PIK3CG: variants seen among roughly 807,000 people sequenced by gnomAD.
The protein encoded by PIK3CG is phosphatidylinositol 4,5-bisphosphate 3-kinase catalytic subunit gamma isoform.
In PIK3CG, 55 loss-of-function variants were observed where a neutral mutation model predicts 102.3. That is an observed-to-expected ratio of 0.54 (90% CI 0.43 to 0.67). PIK3CG has a LOEUF of 0.67. PIK3CG is among the 30% of genes least tolerant of loss of function. PIK3CG has a pLI of 0.00. For synonymous variants in PIK3CG, 552 were observed against 540.0 expected (o/e 1.02, Z -0.31); for missense variants, 1,258 against 1,391.8 (o/e 0.90, Z 1.53).
Position 106,883,288 on chromosome 7 carries a change from T to C in PIK3CG, c.2760+125T>C. The C allele has an allele frequency of 1.0e-6, 1 of 995,156 alleles. No individual in the cohort carries two copies. The highest frequency in any genetic ancestry group is 1.5e-6 in the Non-Finnish European group (1 of 663,670). The allele number at this position is 995,156 out of a possible 1,614,324, so 61.6% of individuals were successfully genotyped here. ...CTCCTGACATATTAGTGAAGTTTTT[T>C]ACTTGTGAAATAATGGAGGTTTTAA... is the stretch of plus-strand genomic sequence containing the variant. On this transcript the variant is annotated intron_variant, in intron 8 of 10. Coordinates refer to ENST00000496166, the MANE Select transcript of PIK3CG (RefSeq NM_001282426.2). The surrounding 1 kb of genome is among the most constrained non-coding windows in gnomAD (Gnocchi z 5.8).
rs539764113 is a variant in PIK3CG at position 106,868,695 on chromosome 7, C to T, written c.1134C>T (p.Asp378=). The T allele has an allele frequency of 1.1e-5, 18 of 1,614,234 alleles. No homozygotes were observed. The highest frequency in any genetic ancestry group is 9.9e-5 in the South Asian group (9 of 91,088). ...TCCCCGTCCTGCCTCGGAACACCGACCTCACAGTTTTTGTAGAGGCAAACA... is the reference window on the plus strand; with the variant it reads ...TCCCCGTCCTGCCTCGGAACACCGATCTCACAGTTTTTGTAGAGGCAAACA... The part of the protein sequence containing the change: ...IDIPVLPRNT[D]LTVFVEANIQ... Residue 378 remains aspartate, a synonymous_variant, in exon 2 of 11, where the codon GAC becomes GAT. Transcript: ENST00000496166. This position sits in a 1 kb window ranked among gnomAD's most constrained non-coding sequence, Gnocchi z 6.2.
At position 106,872,495 on chromosome 7, in the gene PIK3CG, ATAGAG is replaced by A. The variant is rs1010429670; in HGVS notation, c.1996-39_1996-35del. On this transcript the variant is annotated intron_variant, in intron 2 of 10. Transcript: ENST00000496166. This position sits in a 1 kb window ranked among gnomAD's most constrained non-coding sequence, Gnocchi z 5.3. The stretch of plus-strand genomic sequence containing the variant: ...ATTTCCTTTTCCCTGATTCAACGAC[ATAGAG>A]TACAGTCCTACAAATGCCAATGTGT... 2.0e-6 allele frequency: 3 copies of A among 1,490,186 alleles called. No individual in the cohort carries two copies. The highest frequency in any genetic ancestry group is 2.8e-6 in the Non-Finnish European group (3 of 1,067,884). The allele number at this position is 1,490,186 out of a possible 1,614,324, so 92.3% of individuals were successfully genotyped here.
At chr7:106,887,019 A>G (rs1350263006) in intron 10 of PIK3CG, among the ~76,000 whole-genome samples, 5 of 152,236 alleles carry the variant, frequency 3.3e-5, no homozygotes, top group African/African-American at 1.2e-4. Flanking sequence ...AAAGCCTCAC[A>G]GTGTTTTAAG....
chr7:106,869,581 G>GGAA lies in PIK3CG; in HGVS notation c.1995+27_1995+29dup, dbSNP rs754722882. 1.9e-6 allele frequency: 3 copies of GGAA among 1,539,366 alleles called. No homozygotes were observed. ...GGTAGGGGATGTTGGTGTTATCAAT[G>GGAA]GAAGCCTTCTCAAAAGGAATTGATT... On this transcript the variant is annotated intron_variant, in intron 2 of 10. Transcript: ENST00000496166. This position sits in a 1 kb window ranked among gnomAD's most constrained non-coding sequence, Gnocchi z 5.3.
rs1791483878 is a variant in PIK3CG, at chr7:106,899,210, T to C, written c.3031-5899T>C. On this transcript the variant is annotated intron_variant, in intron 10 of 10. Coordinates refer to ENST00000496166, the MANE Select transcript of PIK3CG (RefSeq NM_001282426.2). The surrounding 1 kb of genome is among the most constrained non-coding windows in gnomAD (Gnocchi z 4.6). ...GGAATGCGTGATTTTTTACACTGAT[T>C]TTGGATCCTACAACTTTGCTGAAGT... is the stretch of plus-strand genomic sequence containing the variant. 6.6e-6 allele frequency among the ~76,000 whole-genome samples: 1 copy of C among 152,176 alleles called. No homozygotes were observed. Among genetic ancestry groups the C allele is most frequent in the Non-Finnish European group, 1.5e-5 (1 of 68,028 alleles).
In PIK3CG at chr7:106,902,695, T is replaced by C. The variant is rs898611510; in HGVS notation, c.3031-2414T>C. ...TTGTTATGTTTTTGGCCTGTATTTCTGGCCAATTATCTCTTTCTTATTGAT... is the reference window on the plus strand; with the variant it reads ...TTGTTATGTTTTTGGCCTGTATTTCCGGCCAATTATCTCTTTCTTATTGAT... On this transcript the variant is annotated intron_variant, in intron 10 of 10. Transcript: ENST00000496166. The surrounding 1 kb of genome is among the most constrained non-coding windows in gnomAD (Gnocchi z 4.3). Among the ~76,000 whole-genome samples, 1 of 152,318 alleles carries C rather than the reference T, an allele frequency of 6.6e-6. No individual in the cohort carries two copies. The highest frequency in any genetic ancestry group is 1.5e-5 in the Non-Finnish European group (1 of 68,026).
In PIK3CG at chr7:106,868,194, G is replaced by T. The variant is rs2116433169; in HGVS notation, c.633G>T (p.Leu211=). ...WVTSKPLPEY[L]WKKIANNCIF... is the part of the protein sequence containing the mutation. ...CGTCCAAGCCCCTCCCGGAGTACCT[G>T]TGGAAGAAGATTGCCAACAACTGCA... Residue 211 remains leucine, a synonymous_variant, in exon 2 of 11, where the codon CTG becomes CTT. Transcript: ENST00000496166. The surrounding 1 kb of genome is among the most constrained non-coding windows in gnomAD (Gnocchi z 6.2). 6.2e-7 allele frequency: 1 copy of T among 1,612,284 alleles called. No homozygotes were observed. Among genetic ancestry groups the T allele is most frequent in the African/African-American group, 1.3e-5 (1 of 75,038 alleles).
chr7:106,885,782 G>A (rs1479916514), intron 9 of PIK3CG, among the ~76,000 whole-genome samples: 1 of 152,130 alleles, frequency 6.6e-6, no homozygotes, highest in Non-Finnish European at 1.5e-5. Context: ...TGAAACATCA[G>A]TCTATCCTGA....
rs370485774 is a variant in PIK3CG at position 106,867,733 on chromosome 7, C to G, written c.172C>G (p.Leu58Val). ...CAAATGCAAGAGCCCCGAAACGGCG[C>G]TGCTGCACGTGGCCGGCCACGGCAA... ...QRKCKSPETA[L>V]LHVAGHGNVE... The change falls in exon 2 of 11, where the codon CTG becomes GTG. Residue 58 changes from leucine to valine, a missense_variant. Transcript: ENST00000496166. This position sits in a 1 kb window ranked among gnomAD's most constrained non-coding sequence, Gnocchi z 5.1. 2 of 1,613,072 alleles carry G rather than the reference C, an allele frequency of 1.2e-6. No homozygotes were observed. Among genetic ancestry groups the G allele is most frequent in the African/African-American group, 2.7e-5 (2 of 75,068 alleles).
rs978527065 is a variant in PIK3CG at position 106,890,402 on chromosome 7, C to T, written c.3030+4110C>T. 6.6e-6 allele frequency among the ~76,000 whole-genome samples: 1 copy of T among 152,264 alleles called. No homozygotes were observed. The highest frequency in any genetic ancestry group is 2.1e-4 in the South Asian group (1 of 4,826). On this transcript the variant is annotated intron_variant, in intron 10 of 10. Coordinates refer to ENST00000496166, the MANE Select transcript of PIK3CG (RefSeq NM_001282426.2). This position sits in a 1 kb window ranked among gnomAD's most constrained non-coding sequence, Gnocchi z 4.2. ...TTCACCGTGTTAACCAGGATGGTCT[C>T]AATCTCCTGACCTCGTGATCCGGCT...
rs766880450 is a variant in PIK3CG at position 106,867,729 on chromosome 7, G to C, written c.168G>C (p.Thr56=). ...AGCGCAAATGCAAGAGCCCCGAAAC[G>C]GCGCTGCTGCACGTGGCCGGCCACG... ...TSQRKCKSPE[T]ALLHVAGHGN... is the part of the protein sequence containing the mutation. Residue 56 remains threonine, a synonymous_variant, in exon 2 of 11, where the codon ACG becomes ACC. Coordinates refer to ENST00000496166, the MANE Select transcript of PIK3CG (RefSeq NM_001282426.2). The surrounding 1 kb of genome is among the most constrained non-coding windows in gnomAD (Gnocchi z 5.1). 1.9e-6 allele frequency: 3 copies of C among 1,613,094 alleles called. No individual in the cohort carries two copies. Among genetic ancestry groups the C allele is most frequent in the Non-Finnish European group, 2.5e-6 (3 of 1,179,864 alleles).
At chr7:106,870,345 A>G (rs1166792305) in intron 2 of PIK3CG, among the ~76,000 whole-genome samples, 1 of 152,174 alleles carries the variant, frequency 6.6e-6, no homozygotes, top group Admixed American at 6.5e-5. Flanking sequence ...AGTTAAAGAA[A>G]GAAGGGGGAA....
chr7:106,896,368 A>G (rs1791408572), intron 10 of PIK3CG, among the ~76,000 whole-genome samples: 2 of 152,210 alleles, frequency 1.3e-5, no homozygotes, highest in African/African-American at 4.8e-5. Context: ...CCCCCAGTGT[A>G]TGGAAGGACA....
In PIK3CG at chr7:106,868,650, C is replaced by A. The variant is rs761405644; in HGVS notation, c.1089C>A (p.Val363=). The change falls in exon 2 of 11, where the codon GTC becomes GTA. Residue 363 remains valine (V), a synonymous_variant. Transcript: ENST00000496166. This position sits in a 1 kb window ranked among gnomAD's most constrained non-coding sequence, Gnocchi z 6.2. ...SLWDCDRKFR[V]KIRGIDIPVL... ...GGGACTGCGACCGCAAGTTCAGGGT[C>A]AAGATCAGAGGCATTGATATCCCCG... 1 of 1,614,212 alleles carries A rather than the reference C, an allele frequency of 6.2e-7. No individual in the cohort carries two copies. Among genetic ancestry groups the A allele is most frequent in the Non-Finnish European group, 8.5e-7 (1 of 1,180,042 alleles).
rs188405793 is a variant in PIK3CG, at chr7:106,866,334, G to T, written c.-13+908G>T. 2.5e-3 allele frequency among the ~76,000 whole-genome samples: 378 copies of T among 152,294 alleles called. 3 individuals are homozygous for T. Among genetic ancestry groups the T allele is most frequent in the African/African-American group, 8.4e-3 (350 of 41,566 alleles). ...AAAGCAAAATACCTAATCTTTCAGT[G>T]TTAATACCTTTCAAATTTCAATTAT... is the stretch of plus-strand genomic sequence containing the variant. On this transcript the variant is annotated intron_variant, in intron 1 of 10. Coordinates refer to ENST00000496166, the MANE Select transcript of PIK3CG (RefSeq NM_001282426.2).
chr7:106,902,598 C>CT lies in PIK3CG; in HGVS notation c.3031-2504dup, dbSNP rs1282637639. On this transcript the variant is annotated intron_variant, in intron 10 of 10. Coordinates refer to ENST00000496166, the MANE Select transcript of PIK3CG (RefSeq NM_001282426.2). The surrounding 1 kb of genome is among the most constrained non-coding windows in gnomAD (Gnocchi z 4.3). Reference sequence around the variant, plus strand: ...AAATTTTCCATCTCATTTTAAGTTACTTTTTTTAATATTAATGAAGTTGCA... The same window carrying CT: ...AAATTTTCCATCTCATTTTAAGTTACTTTTTTTTAATATTAATGAAGTTGCA... Among the ~76,000 whole-genome samples the CT allele has an allele frequency of 4.0e-5, 6 of 148,810 alleles. No individual in the cohort carries two copies. The highest frequency in any genetic ancestry group is 9.8e-5 in the African/African-American group (4 of 40,728).
rs1390568563 is a variant in PIK3CG at position 106,877,902 on chromosome 7, C to T, written c.2392-1617C>T. ...ACTTCTATATATGTTATAAATGGCA[C>T]AATAAGTTACTATTTTTGCCCTAAA... is the stretch of plus-strand genomic sequence containing the variant. On this transcript the variant is annotated intron_variant, in intron 5 of 10. Coordinates refer to ENST00000496166, the MANE Select transcript of PIK3CG (RefSeq NM_001282426.2). The surrounding 1 kb of genome is among the most constrained non-coding windows in gnomAD (Gnocchi z 4.5). Among the ~76,000 whole-genome samples, 1 of 152,114 alleles carries T rather than the reference C, an allele frequency of 6.6e-6. No individual in the cohort carries two copies. Among genetic ancestry groups the T allele is most frequent in the Non-Finnish European group, 1.5e-5 (1 of 68,024 alleles).
rs1791080463 is a variant in PIK3CG, at chr7:106,886,050, C to G, written c.2873-85C>G. The G allele has an allele frequency of 1.7e-5, 21 of 1,214,818 alleles. No homozygotes were observed. In the South Asian group the frequency reaches 3.0e-4, roughly 17 times the overall value. 75.3% of individuals were successfully genotyped at this position (1,214,818 alleles called of 1,614,324 possible). A position where few individuals can be genotyped will look rare whatever the true frequency, so the allele number is the denominator to read the frequency against. On this transcript the variant is annotated intron_variant, in intron 9 of 10. Transcript: ENST00000496166. ...AAAAAATGCTTTCAACACAAGATAG[C>G]TCATTTTTAGGCAACTCAAAGAAAT...
In PIK3CG at chr7:106,897,394, T is replaced by C. The variant is rs1421701309; in HGVS notation, c.3031-7715T>C. 6.6e-6 allele frequency among the ~76,000 whole-genome samples: 1 copy of C among 152,198 alleles called. No individual in the cohort carries two copies. The highest frequency in any genetic ancestry group is 2.4e-5 in the African/African-American group (1 of 41,446). ...GAGTAAAAATCACCCTTTCTTTTAT[T>C]TTTGGCTGGGGGTACATGTGAAAGT... On this transcript the variant is annotated intron_variant, in intron 10 of 10. Coordinates refer to ENST00000496166, the MANE Select transcript of PIK3CG (RefSeq NM_001282426.2). The surrounding 1 kb of genome is among the most constrained non-coding windows in gnomAD (Gnocchi z 4.6).
Sources: allele counts gnomAD v4.1 joint callset (sites outside exome capture counted in the v4.1 genomes callset), GRCh38; gene constraint gnomAD v4.1.1; non-coding constraint Gnocchi (gnomAD v3.1); transcripts MANE v1.5; gene names NCBI Gene and HGNC (gene_info 2026-07-23, HGNC 2026-07-21).